Variants in NME8 observed in about 807,000 individuals in gnomAD.
NME8 encodes the protein protein NME8.
A neutral mutation model predicts 82.3 loss-of-function variants in NME8; 72 were observed. The observed-to-expected ratio is 0.87, with a 90% CI of 0.72 to 1.06. The LOEUF (loss-of-function observed/expected upper bound fraction) is 1.06, where lower values mean the gene tolerates loss of function less well. NME8 is among the 50% of genes least tolerant of loss of function. NME8 has a pLI of 0.00. For missense variants in NME8, 712 were observed against 685.4 expected, an observed-to-expected ratio of 1.04 and a Z score of -0.43; for synonymous variants, 267 against 228.5, an observed-to-expected ratio of 1.17 and a Z score of -1.52.
chr7:37,865,158 C>A (rs995383693), intron 9 of NME8, among the ~76,000 whole-genome samples: 2 of 152,178 alleles, frequency 1.3e-5, no homozygotes, highest in Non-Finnish European at 2.9e-5. Flanking sequence ...GTTCACAGTT[C>A]AGCATCTCAT....
intron 11 of NME8, among the ~76,000 whole-genome samples, chr7:37,873,901 G>T (rs2598029): frequency 0.56 from 84,771 of 152,054 alleles, 24,794 homozygotes; most frequent in East Asian, 0.68. Context: ...TGCACTTTAG[G>T]TGGATCCCTT....
At chr7:37,876,231 TAGATAG>T (rs202024620) in intron 11 of NME8, among the ~76,000 whole-genome samples, 8,022 of 77,268 alleles carry the variant, frequency 0.1, 231 homozygotes, top group East Asian at 0.26. Flanking sequence ...TATATATATA[TAGATAG>T]ATAGATAGAT....
chr7:37,850,906 AAT>A lies in NME8; in HGVS notation c.198+174_198+175del, dbSNP rs547522924. 5.3e-5 allele frequency among the ~76,000 whole-genome samples: 8 copies of A among 152,314 alleles called. No individual in the cohort carries two copies. The South Asian group carries it at 1.7e-3, about 32-fold the overall frequency. ...TTTAATTCTACTAGATCTGAGAATG[AAT>A]ATGATTTTTATCCCATTCTTATAAC... is the stretch of plus-strand genomic sequence containing the variant. On this transcript the variant is annotated intron_variant, in intron 5 of 17. Transcript: ENST00000199447.
chr7:37,858,263 A>G (rs1784542329), intron 6 of NME8, among the ~76,000 whole-genome samples: 1 of 152,178 alleles, frequency 6.6e-6, no homozygotes, highest in African/African-American at 2.4e-5. Context: ...TTTTGATATT[A>G]GAAATACTCA....
At chr7:37,876,001 A>G (rs1784841934) in intron 11 of NME8, among the ~76,000 whole-genome samples, 1 of 152,086 alleles carries the variant, frequency 6.6e-6, no homozygotes, top group Admixed American at 6.6e-5. Flanking sequence ...AGGTCAGGAG[A>G]TCGAGACCAT....
intron 10 of NME8, among the ~76,000 whole-genome samples, chr7:37,866,849 T>G (rs1784689911): frequency 6.6e-6 from 1 of 152,164 alleles, no homozygotes; most frequent in South Asian, 2.1e-4. Context: ...TAGGGAGACA[T>G]GAGACATCAA....
chr7:37,896,223 C>A (rs183981479), intron 16 of NME8, among the ~76,000 whole-genome samples: 74 of 152,260 alleles, frequency 4.9e-4, no homozygotes, highest in Non-Finnish European at 5.1e-4. Context: ...TAGGACTGTA[C>A]CATGACAGCT....
chr7:37,877,911 A>G (rs1235624286), intron 12 of NME8, among the ~76,000 whole-genome samples: 2 of 152,174 alleles, frequency 1.3e-5, no homozygotes, highest in African/African-American at 2.4e-5. Context: ...ATACACAGTA[A>G]TAGGGTTTGC....
At chr7:37,853,617 A>G (rs2722333) in intron 5 of NME8, among the ~76,000 whole-genome samples, 41,065 of 152,026 alleles carry the variant, frequency 0.27, 5,738 homozygotes, top group African/African-American at 0.35. Context: ...TAGGGGTTCC[A>G]GATTCTGGTG....
chr7:37,883,952 G>C (rs1256187235), intron 12 of NME8, among the ~76,000 whole-genome samples: 2 of 148,546 alleles, frequency 1.3e-5, no homozygotes, highest in African/African-American at 2.5e-5. Context: ...TGATTATTTA[G>C]GTTACTGTCT....
At chr7:37,881,291 G>C (rs1165222868) in intron 12 of NME8, among the ~76,000 whole-genome samples, 2 of 152,102 alleles carry the variant, frequency 1.3e-5, no homozygotes, top group Admixed American at 1.3e-4. Flanking sequence ...GTTAACTGTA[G>C]GATTTTTGAA....
intron 13 of NME8, 114 bp downstream of exon 13, chr7:37,884,561 T>A: frequency 2.3e-6 from 2 of 865,714 alleles, no homozygotes; most frequent in Non-Finnish European, 3.7e-6. Flanking sequence ...AAACATGTTC[T>A]GAGTTTACTT....
intron 14 of NME8, 63 bp from the exon 15 acceptor site, chr7:37,888,214 G>A (rs879812706): frequency 6.6e-7 from 1 of 1,507,326 alleles, no homozygotes; most frequent in Non-Finnish European, 9.2e-7. Flanking sequence ...ACAACTTATA[G>A]AAATTGTGTT....
intron 5 of NME8, among the ~76,000 whole-genome samples, chr7:37,853,059 G>C (rs929943409): frequency 6.6e-6 from 1 of 152,090 alleles, no homozygotes; most frequent in African/African-American, 2.4e-5. Flanking sequence ...GTTTTAGTTT[G>C]CGTTTCCCAA....
At chr7:37,862,676 G>T (rs778511788) in intron 7 of NME8, among the ~76,000 whole-genome samples, 3 of 151,330 alleles carry the variant, frequency 2.0e-5, no homozygotes, top group Non-Finnish European at 4.4e-5. Flanking sequence ...ATATCGTTTT[G>T]TTCCAAATTT....
At chr7:37,898,650 AG>A (rs1477474780) in intron 17 of NME8, among the ~76,000 whole-genome samples, 5 of 152,220 alleles carry the variant, frequency 3.3e-5, no homozygotes, top group African/African-American at 1.2e-4. Flanking sequence ...CACTTATATG[AG>A]TTACCTAGAA....
At chr7:37,877,575 T>C (rs1160723944) in intron 12 of NME8, among the ~76,000 whole-genome samples, 1 of 152,204 alleles carries the variant, frequency 6.6e-6, no homozygotes, top group Admixed American at 6.5e-5. Flanking sequence ...ATTGGCCTTT[T>C]ATTCTCTGAC....
At chr7:37,863,276 CACTTT>C in intron 7 of NME8, 115 bp from the exon 8 acceptor site, 1 of 671,288 alleles carries the variant, frequency 1.5e-6, no homozygotes. Context: ...GGAACTCTTC[CACTTT>C]ACTTTCTATT....
At chr7:37,893,255 A>G (rs1350987286) in intron 15 of NME8, among the ~76,000 whole-genome samples, 1 of 152,132 alleles carries the variant, frequency 6.6e-6, no homozygotes, top group Non-Finnish European at 1.5e-5. Flanking sequence ...TTTTCCAAAA[A>G]CTGCATTAGT....
Sources: gnomAD v4.1 joint callset for allele counts (sites outside exome capture counted in the v4.1 genomes callset) on GRCh38, gnomAD v4.1.1 for gene constraint, MANE v1.5 for transcripts, NCBI Gene and HGNC (gene_info 2026-07-23, HGNC 2026-07-21) for gene names.